FHIT: variants seen among roughly 807,000 people sequenced by gnomAD.
FHIT encodes fragile histidine triad diadenosine triphosphatase.
In FHIT, 19 loss-of-function variants were observed where a neutral mutation model predicts 17.9. The ratio of observed to expected loss-of-function variants is 1.06; its 90% CI spans 0.74 to 1.56. The LOEUF (loss-of-function observed/expected upper bound fraction) is 1.56, where lower values mean the gene tolerates loss of function less well. Among genes scored for constraint, FHIT ranks in the 40% most tolerant of loss-of-function variants. The probability of loss-of-function intolerance (pLI) is 0.00; values close to 1 mark genes in which losing one functional copy is unlikely to be tolerated. For synonymous variants in FHIT, 81 were observed against 69.7 expected (o/e 1.16, Z -0.81); for missense variants, 248 against 189.2 (o/e 1.31, Z -1.82).
At chr3:60,415,521 C>G (rs554474564) in intron 5 of FHIT, among the ~76,000 whole-genome samples, 3 of 152,208 alleles carry the variant, frequency 2.0e-5, no homozygotes, top group African/African-American at 4.8e-5. Flanking sequence ...TAAAGAGAAA[C>G]AGAGTGTAAT....
chr3:60,916,162 C>T (rs1161390641), intron 3 of FHIT, among the ~76,000 whole-genome samples: 1 of 152,128 alleles, frequency 6.6e-6, no homozygotes, highest in Non-Finnish European at 1.5e-5. Context: ...TCTCCTATTG[C>T]TTGGACACTT....
At chr3:60,200,172 G>C (rs1702832682) in intron 5 of FHIT, among the ~76,000 whole-genome samples, 1 of 152,084 alleles carries the variant, frequency 6.6e-6, no homozygotes, top group East Asian at 1.9e-4. Context: ...GGACAGTACT[G>C]GGTCCAGGCT....
intron 5 of FHIT, among the ~76,000 whole-genome samples, chr3:60,154,532 A>G (rs1430458897): frequency 1.3e-5 from 2 of 152,228 alleles, no homozygotes; most frequent in African/African-American, 2.4e-5. Flanking sequence ...TATATTGCCA[A>G]CAAATCCACA....
chr3:59,800,086 C>T (rs763322008), intron 8 of FHIT, among the ~76,000 whole-genome samples: 18 of 152,222 alleles, frequency 1.2e-4, no homozygotes, highest in Non-Finnish European at 2.5e-4. Context: ...GCTTTGCATT[C>T]TTTTCTGTTA....
At chr3:60,517,733 C>A (rs6446130) in intron 5 of FHIT, among the ~76,000 whole-genome samples, 1 of 152,080 alleles carries the variant, frequency 6.6e-6, no homozygotes, top group South Asian at 2.1e-4. Context: ...TATAGTTGTG[C>A]CACAATCCCC....
At chr3:59,869,484 CTTTT>C (rs59589849) in intron 8 of FHIT, among the ~76,000 whole-genome samples, 13 of 105,452 alleles carry the variant, frequency 1.2e-4, no homozygotes, top group African/African-American at 5.0e-4. Flanking sequence ...AAAGAACATC[CTTTT>C]TTTTTTTTTT....
chr3:61,048,761 G>A (rs1207589089), intron 2 of FHIT, among the ~76,000 whole-genome samples: 1 of 152,146 alleles, frequency 6.6e-6, no homozygotes, highest in African/African-American at 2.4e-5. Context: ...TTAAGAAAAT[G>A]TGGCACATAT....
At chr3:60,986,444 T>C (rs1710723365) in intron 3 of FHIT, among the ~76,000 whole-genome samples, 2 of 152,178 alleles carry the variant, frequency 1.3e-5, no homozygotes, top group South Asian at 2.1e-4. Flanking sequence ...ACTGGAGGAA[T>C]AGGTAAACAG....
intron 2 of FHIT, among the ~76,000 whole-genome samples, chr3:61,054,727 C>T (rs1293077430): frequency 1.3e-5 from 2 of 152,160 alleles, no homozygotes; most frequent in Non-Finnish European, 1.5e-5. Context: ...ACACTGGTCT[C>T]CTGGTCTGGA....
chr3:61,013,862 G>A (rs949784549), intron 3 of FHIT, among the ~76,000 whole-genome samples: 4 of 152,132 alleles, frequency 2.6e-5, no homozygotes, highest in African/African-American at 9.7e-5. Context: ...TTCTTTCTGA[G>A]ACAAGAAATA....
intron 5 of FHIT, among the ~76,000 whole-genome samples, chr3:60,459,511 G>C (rs1272561207): frequency 6.6e-6 from 1 of 152,152 alleles, no homozygotes; most frequent in Non-Finnish European, 1.5e-5. Context: ...GGCAGTAATA[G>C]CTACCACAGA....
At chr3:60,442,421 C>T (rs542288136) in intron 5 of FHIT, among the ~76,000 whole-genome samples, 104 of 152,264 alleles carry the variant, frequency 6.8e-4, no homozygotes, top group African/African-American at 2.4e-3. Flanking sequence ...ACATTTAAGT[C>T]TTTAATCCAT....
At chr3:59,836,798 G>A (rs367582812) in intron 8 of FHIT, among the ~76,000 whole-genome samples, 2 of 152,120 alleles carry the variant, frequency 1.3e-5, no homozygotes, top group African/African-American at 4.8e-5. Flanking sequence ...CACCTGTCAA[G>A]AGAAATGCAG....
intron 8 of FHIT, among the ~76,000 whole-genome samples, chr3:59,885,764 C>T (rs1029104788): frequency 6.6e-6 from 1 of 152,188 alleles, no homozygotes; most frequent in Non-Finnish European, 1.5e-5. Context: ...GACATGAGCG[C>T]TGCTTTCATT....
intron 3 of FHIT, among the ~76,000 whole-genome samples, chr3:60,885,840 C>T (rs148349848): frequency 0.01 from 1,534 of 152,278 alleles, 13 homozygotes; most frequent in Middle Eastern, 0.014. Context: ...CAGATGCCTC[C>T]TCTAATTGTC....
chr3:60,476,441 G>C (rs2033347628), intron 5 of FHIT, among the ~76,000 whole-genome samples: 1 of 152,158 alleles, frequency 6.6e-6, no homozygotes, highest in Non-Finnish European at 1.5e-5. Flanking sequence ...GCTATAAGGG[G>C]AGTGAGACTA....
chr3:60,151,140 A>T (rs1328186324), intron 5 of FHIT, among the ~76,000 whole-genome samples: 12 of 152,162 alleles, frequency 7.9e-5, no homozygotes, highest in Admixed American at 7.9e-4. Context: ...ACTGGACATG[A>T]GAATTATTAC....
rs183099539 is a variant in FHIT, at chr3:60,853,978, T to A, written c.-110-31967A>T. Among the ~76,000 whole-genome samples, 6 of 152,200 alleles carry A rather than the reference T, an allele frequency of 3.9e-5. No homozygotes were observed. The East Asian group carries it at 1.2e-3, about 29-fold the overall frequency. On this transcript the variant is annotated intron_variant, in intron 3 of 9. Coordinates refer to ENST00000492590, the MANE Select transcript of FHIT (RefSeq NM_002012.4). ...TTAATTTGAGTCCTGATTACCTTAC[T>A]GTGAAAAACCGTAAACACCAAACAA...
chr3:60,814,168 T>A (rs776467562), intron 4 of FHIT, among the ~76,000 whole-genome samples: 1 of 152,206 alleles, frequency 6.6e-6, no homozygotes, highest in East Asian at 1.9e-4. Flanking sequence ...TAGGTCTTTT[T>A]AAAAAAAATT....
Sources: gnomAD v4.1 joint callset for allele counts (sites outside exome capture counted in the v4.1 genomes callset) on GRCh38, gnomAD v4.1.1 for gene constraint, MANE v1.5 for transcripts, NCBI Gene and HGNC (gene_info 2026-07-23, HGNC 2026-07-21) for gene names.